Variants in STK25 observed in about 807,000 individuals in gnomAD.
STK25 encodes the protein serine/threonine-protein kinase 25.
In STK25, 29 loss-of-function variants were observed where a neutral mutation model predicts 53.8. That is an observed-to-expected ratio of 0.54 (90% CI 0.40 to 0.74). The LOEUF (loss-of-function observed/expected upper bound fraction) is 0.74, where lower values mean the gene tolerates loss of function less well. Among genes scored for constraint, STK25 ranks in the 30% least tolerant of loss-of-function variants. The pLI is 0.00. For missense variants in STK25, 420 were observed against 568.0 expected, an observed-to-expected ratio of 0.74 and a Z score of 2.65; for synonymous variants, 247 against 238.3, an observed-to-expected ratio of 1.04 and a Z score of -0.33.
intron 2 of STK25, 41 bp downstream of exon 2, chr2:241,507,965 G>A (rs1342155293): frequency 2.6e-6 from 4 of 1,537,756 alleles, no homozygotes; most frequent in Non-Finnish European, 3.5e-6. Flanking sequence ...GGAGCCCCTC[G>A]GTGAGAGGCC....
At chr2:241,507,902 A>G in intron 2 of STK25, 104 bp downstream of exon 2, 5 of 1,214,924 alleles carry the variant, frequency 4.1e-6, no homozygotes, top group Non-Finnish European at 5.8e-6. Flanking sequence ...TCCTTCCCTC[A>G]CCCCACTGCC....
chr2:241,503,901 G>C (rs888837898), intron 2 of STK25: 2 of 420,264 alleles, frequency 4.8e-6, no homozygotes, highest in Non-Finnish European at 1.0e-5. Context: ...CCAGGCCTAA[G>C]CCCAGCGGAG....
At chr2:241,504,363 G>A (rs2065694396) in intron 2 of STK25, among the ~76,000 whole-genome samples, 1 of 152,154 alleles carries the variant, frequency 6.6e-6, no homozygotes, top group South Asian at 2.1e-4. Context: ...AGCAGGGGGT[G>A]CCTTGAGCCC....
chr2:241,497,522 A>AC lies in STK25; in HGVS notation c.1104+93dup, dbSNP rs2065244983. On this transcript the variant is annotated intron_variant, in intron 10 of 11. Coordinates refer to ENST00000316586, the MANE Select transcript of STK25 (RefSeq NM_001271977.2). Reference sequence around the variant, plus strand: ...TGCAGGAAAGCTAGAAGCTGAAACCACCCCACAGTGCTGTGAGGGAGACAT... The same window carrying AC: ...TGCAGGAAAGCTAGAAGCTGAAACCACCCCCACAGTGCTGTGAGGGAGACAT... 3.1e-6 allele frequency: 4 copies of AC among 1,296,226 alleles called. No homozygotes were observed. In the African/African-American group the frequency reaches 4.4e-5, roughly 14 times the overall value. The allele number at this position is 1,296,226 out of a possible 1,614,324, so 80.3% of individuals were successfully genotyped here. A position where few individuals can be genotyped will look rare whatever the true frequency, so the allele number is the denominator to read the frequency against.
In STK25 at chr2:241,500,244, G is replaced by A. The variant is rs776397129; in HGVS notation, c.356C>T (p.Thr119Met). The change falls in exon 5 of 12, where the codon ACG (threonine) becomes ATG (methionine). Residue 119 changes from threonine to methionine, a missense_variant. Physicochemically the swap from Thr to Met is moderately conservative, Grantham distance 81 (BLOSUM62 -1). Transcript: ENST00000316586. ...PGPLEETYIA[T>M]ILREILKGLD... is the part of the protein sequence containing the mutation. ...GCCCTTCAGAATCTCCCGCAGGATC[G>A]TGGCAATGTATGTCTCCTCCAGGGG... 1.9e-6 allele frequency: 3 copies of A among 1,614,098 alleles called. No individual in the cohort carries two copies. The highest frequency in any genetic ancestry group is 1.7e-6 in the Non-Finnish European group (2 of 1,180,008).
chr2:241,495,608 A>G lies in STK25; in HGVS notation c.*54T>C. The G allele has an allele frequency of 6.3e-7, 1 of 1,594,286 alleles. No individual in the cohort carries two copies. Among genetic ancestry groups the G allele is most frequent in the Admixed American group, 1.7e-5 (1 of 59,998 alleles). On this transcript the variant is annotated 3_prime_UTR_variant, in exon 12 of 12. Transcript: ENST00000316586. The stretch of plus-strand genomic sequence containing the variant: ...TTCCAAGTCAGCACAGTTCTTATGG[A>G]GCTCAGAACAAAAACAAACGACCTT...
intron 2 of STK25, among the ~76,000 whole-genome samples, chr2:241,507,076 C>T (rs1440043653): frequency 6.6e-6 from 1 of 152,196 alleles, no homozygotes; most frequent in Non-Finnish European, 1.5e-5. Flanking sequence ...CTCCATTCAG[C>T]ACATAGGAGT....
chr2:241,498,424 C>T (rs906824624), intron 8 of STK25, 75 bp from the exon 9 acceptor site: 15 of 1,392,198 alleles, frequency 1.1e-5, no homozygotes, highest in South Asian at 2.7e-5. Flanking sequence ...GCACACCTCA[C>T]GGCCAAGGGA....
Position 241,495,957 on chromosome 2 carries a change from C to T in STK25, c.1242-256G>A, listed in dbSNP as rs867574360. Among the ~76,000 whole-genome samples, 29 of 152,354 alleles carry T rather than the reference C, an allele frequency of 1.9e-4. 1 individual carries two copies. The highest frequency in any genetic ancestry group is 6.8e-3 in the Middle Eastern group (2 of 294). On this transcript the variant is annotated intron_variant, in intron 11 of 11. Transcript: ENST00000316586. ...CTTGGCGCATCTGCCGGCGGCATGG[C>T]GGTTGGACCCTAAGTCCGTTGGGCG...
Position 241,493,739 on chromosome 2 carries a change from C to T in STK25, c.*1923G>A. 2.0e-6 allele frequency: 1 copy of T among 491,004 alleles called. No individual in the cohort carries two copies. The highest frequency in any genetic ancestry group is 3.6e-6 in the Non-Finnish European group (1 of 276,584). The allele number at this position is 491,004 out of a possible 1,614,324, so 30.4% of individuals were successfully genotyped here. A position where few individuals can be genotyped will look rare whatever the true frequency, so the allele number is the denominator to read the frequency against. ...CCTCCTGAGTAACTGAGATTACAGG[C>T]ATGCACGCCACGCCGCCTGGCTAAT... On this transcript the variant is annotated 3_prime_UTR_variant, in exon 12 of 12. Transcript: ENST00000316586.
chr2:241,505,263 C>T (rs979859211), intron 2 of STK25, among the ~76,000 whole-genome samples: 3 of 152,088 alleles, frequency 2.0e-5, no homozygotes, highest in East Asian at 1.9e-4. Flanking sequence ...AACGCTTACT[C>T]GGGGCCCTGG....
intron 4 of STK25, 83 bp downstream of exon 4, chr2:241,500,657 A>G (rs1307528964): frequency 7.2e-7 from 1 of 1,388,694 alleles, no homozygotes; most frequent in East Asian, 2.3e-5. Flanking sequence ...ACCAAACGAG[A>G]GGTGGCCCCT....
intron 2 of STK25, among the ~76,000 whole-genome samples, chr2:241,502,308 G>T (rs900763146): frequency 3.3e-5 from 5 of 152,160 alleles, no homozygotes; most frequent in Admixed American, 2.0e-4. Context: ...GTGATGACAC[G>T]GCATGAAGGT....
At chr2:241,502,206 A>C (rs1284711680) in intron 2 of STK25, among the ~76,000 whole-genome samples, 1 of 151,962 alleles carries the variant, frequency 6.6e-6, no homozygotes, top group Non-Finnish European at 1.5e-5. Flanking sequence ...AAAAAAACCT[A>C]AACTGAACTT....
intron 10 of STK25, chr2:241,497,337 C>A (rs2065234989): frequency 2.4e-6 from 1 of 412,252 alleles, no homozygotes; most frequent in South Asian, 3.9e-5. Context: ...CCCGACTAAA[C>A]CTTCTCTGCT....
Position 241,496,055 on chromosome 2 carries a change from G to A in STK25, c.1241+343C>T, listed in dbSNP as rs557172263. 4.4e-4 allele frequency among the ~76,000 whole-genome samples: 67 copies of A among 152,320 alleles called. No individual in the cohort carries two copies. The highest frequency in any genetic ancestry group is 6.0e-4 in the Non-Finnish European group (41 of 68,020). On this transcript the variant is annotated intron_variant, in intron 11 of 11. Coordinates refer to ENST00000316586, the MANE Select transcript of STK25 (RefSeq NM_001271977.2). The surrounding 1 kb of genome is among the most constrained non-coding windows in gnomAD (Gnocchi z 5.8). The stretch of plus-strand genomic sequence containing the variant: ...GAGTCAGCACAGGGGCAGCTCTGAC[G>A]TTTTGCCACCAGCGTGTCAGAGTAG...
chr2:241,494,209 T>G lies in STK25; in HGVS notation c.*1453A>C. 1.2e-6 allele frequency: 1 copy of G among 803,156 alleles called. No homozygotes were observed. The highest frequency in any genetic ancestry group is 3.0e-5 in the South Asian group (1 of 33,512). The allele number at this position is 803,156 out of a possible 1,614,324, so 49.8% of individuals were successfully genotyped here. On this transcript the variant is annotated 3_prime_UTR_variant, in exon 12 of 12. Coordinates refer to ENST00000316586, the MANE Select transcript of STK25 (RefSeq NM_001271977.2). This position sits in a 1 kb window ranked among gnomAD's most constrained non-coding sequence, Gnocchi z 4.9. The stretch of plus-strand genomic sequence containing the variant: ...CTCTGTCCTGAGGCTTCTCAACAGA[T>G]GGGAAGTGGCTGTGGTCTCACTGGA...
intron 2 of STK25, among the ~76,000 whole-genome samples, chr2:241,507,114 G>A (rs1480597958): frequency 1.3e-5 from 2 of 152,182 alleles, no homozygotes; most frequent in Non-Finnish European, 2.9e-5. Flanking sequence ...CATTTTAGCG[G>A]CGATTCCAAC....
At chr2:241,506,935 T>C (rs2065865442) in intron 2 of STK25, among the ~76,000 whole-genome samples, 1 of 152,112 alleles carries the variant, frequency 6.6e-6, no homozygotes, top group African/African-American at 2.4e-5. Flanking sequence ...CAGGTCCAGG[T>C]TGCCTGGCCC....
Sources: allele counts gnomAD v4.1 joint callset (sites outside exome capture counted in the v4.1 genomes callset), GRCh38; gene constraint gnomAD v4.1.1; non-coding constraint Gnocchi (gnomAD v3.1); transcripts MANE v1.5; gene names NCBI Gene and HGNC (gene_info 2026-07-23, HGNC 2026-07-21).